The following SSH2 variants were observed in gnomAD, a reference collection of about 807,000 sequenced individuals.
SSH2 encodes protein phosphatase Slingshot homolog 2.
SSH2 carries 37 observed loss-of-function variants against 135.2 expected under a neutral mutation model. The observed-to-expected ratio is 0.27, with a 90% confidence interval of 0.21 to 0.36. The LOEUF (loss-of-function observed/expected upper bound fraction) is 0.36. Ranked by LOEUF, SSH2 falls within the 10% of genes least tolerant of loss-of-function variation. The pLI is 1.00. For synonymous variants in SSH2, 628 were observed against 646.2 expected (o/e 0.97, Z 0.43); for missense variants, 1,408 against 1,765.3 (o/e 0.80, Z 3.63).
intron 1 of SSH2, among the ~76,000 whole-genome samples, chr17:29,865,855 C>T (rs1014563423): frequency 1.3e-5 from 2 of 152,154 alleles, no homozygotes; most frequent in Non-Finnish European, 2.9e-5. Context: ...TATCTCAGCA[C>T]TTTGGGAGGC....
intron 14 of SSH2, among the ~76,000 whole-genome samples, chr17:29,639,221 T>C (rs2036045001): frequency 6.6e-6 from 1 of 152,056 alleles, no homozygotes; most frequent in African/African-American, 2.4e-5. Flanking sequence ...AGGGAGGAGA[T>C]TTCATTTCAA....
intron 3 of SSH2, chr17:29,787,521 G>C (rs1214974532): frequency 1.9e-4 from 29 of 152,026 alleles, no homozygotes; most frequent in Admixed American, 1.9e-3. Context: ...TGGATCATAT[G>C]ATCATATTCT....
chr17:29,683,813 T>C (rs1426316110), intron 6 of SSH2, among the ~76,000 whole-genome samples: 1 of 149,370 alleles, frequency 6.7e-6, no homozygotes, highest in Non-Finnish European at 1.5e-5. Flanking sequence ...GGTATGGTGG[T>C]GCATGCCTGT....
intron 8 of SSH2, among the ~76,000 whole-genome samples, chr17:29,674,726 G>A (rs757521921): frequency 7.2e-5 from 11 of 152,090 alleles, no homozygotes; most frequent in African/African-American, 1.9e-4. Context: ...GGGCCACATC[G>A]GAAGAACTGT....
intron 3 of SSH2, among the ~76,000 whole-genome samples, chr17:29,741,934 C>CTTTTTT (rs71138848): frequency 1.0e-5 from 1 of 97,908 alleles, no homozygotes; most frequent in Non-Finnish European, 2.0e-5. Context: ...ATTTTTTTTT[C>CTTTTTT]TTTTTTTTTT....
At chr17:29,728,996 T>C (rs1738535671) in intron 3 of SSH2, among the ~76,000 whole-genome samples, 1 of 152,168 alleles carries the variant, frequency 6.6e-6, no homozygotes, top group African/African-American at 2.4e-5. Flanking sequence ...AAATATTTCT[T>C]GAGTAATACC....
chr17:29,715,632 T>C (rs897908573), intron 3 of SSH2, among the ~76,000 whole-genome samples: 2 of 152,206 alleles, frequency 1.3e-5, no homozygotes, highest in African/African-American at 2.4e-5. Flanking sequence ...TAAAATGGTA[T>C]GGTTATTTGA....
chr17:29,925,281 T>C (rs1567657855), intron 1 of SSH2: 1 of 372,842 alleles, frequency 2.7e-6, no homozygotes, highest in Non-Finnish European at 4.7e-6. Flanking sequence ...TTCAGAAAAT[T>C]CACACCAGAT....
intron 1 of SSH2, among the ~76,000 whole-genome samples, chr17:29,920,945 A>G (rs1441870366): frequency 6.6e-6 from 1 of 152,182 alleles, no homozygotes; most frequent in Non-Finnish European, 1.5e-5. Context: ...TATTCTTAGT[A>G]TATAAAGAAT....
chr17:29,703,831 G>A (rs907199279), intron 3 of SSH2, among the ~76,000 whole-genome samples: 2 of 152,060 alleles, frequency 1.3e-5, no homozygotes, highest in African/African-American at 2.4e-5. Context: ...CACCAGCCTC[G>A]GCCTCCCAAA....
At chr17:29,856,670 T>C (rs976788954) in intron 1 of SSH2, among the ~76,000 whole-genome samples, 2 of 152,326 alleles carry the variant, frequency 1.3e-5, no homozygotes, top group South Asian at 4.1e-4. Flanking sequence ...TCAAAGAGTA[T>C]TTTTAAGTCT....
intron 1 of SSH2, among the ~76,000 whole-genome samples, chr17:29,890,798 C>T (rs1256530181): frequency 1.3e-5 from 2 of 152,142 alleles, no homozygotes; most frequent in South Asian, 4.1e-4. Flanking sequence ...GCTCTGTCAC[C>T]AGGCTGGAGC....
chr17:29,854,829 C>T (rs893373603), intron 1 of SSH2, among the ~76,000 whole-genome samples: 1 of 152,130 alleles, frequency 6.6e-6, no homozygotes, highest in Non-Finnish European at 1.5e-5. Context: ...TGCCTGTAAT[C>T]CCAGCTACTC....
chr17:29,761,333 G>A (rs569894145), intron 3 of SSH2: 2 of 1,127,192 alleles, frequency 1.8e-6, no homozygotes, highest in African/African-American at 1.7e-5. Flanking sequence ...GCTCCGGCAC[G>A]AGGCGCAGGC....
At position 29,856,171 on chromosome 17, in the gene SSH2, C is replaced by G; in HGVS notation, c.64-7242G>C. 6.6e-6 allele frequency: 2 copies of G among 302,876 alleles called. 1 individual carries two copies. The allele number at this position is 302,876 out of a possible 1,614,324, so 18.8% of individuals were successfully genotyped here. On this transcript the variant is annotated intron_variant, in intron 1 of 15. Coordinates refer to ENST00000540801, the MANE Select transcript of SSH2 (RefSeq NM_001282129.2). ...GTTGCTTATTAAGTTATCTTAAGTCCAGAAAAATGTATTAATCCTTGAAGG... is the reference window on the plus strand; with the variant it reads ...GTTGCTTATTAAGTTATCTTAAGTCGAGAAAAATGTATTAATCCTTGAAGG...
intron 14 of SSH2, among the ~76,000 whole-genome samples, chr17:29,640,171 C>T (rs1038331806): frequency 2.0e-5 from 3 of 152,050 alleles, no homozygotes; most frequent in Non-Finnish European, 2.9e-5. Flanking sequence ...CTCCACTTCC[C>T]GGGTTCACGC....
chr17:29,775,902 G>A (rs2041688921), intron 3 of SSH2: 1 of 152,184 alleles, frequency 6.6e-6, no homozygotes, highest in South Asian at 2.1e-4. Context: ...TTTGGATCAT[G>A]AGCAGCTTCT....
chr17:29,900,465 G>A (rs1422106399), intron 1 of SSH2, among the ~76,000 whole-genome samples: 6 of 152,122 alleles, frequency 3.9e-5, no homozygotes, highest in African/African-American at 9.7e-5. Context: ...ACAAGTGGGC[G>A]AAGGATATGA....
Position 29,636,039 on chromosome 17 carries a change from G to T in SSH2, c.2191C>A (p.Gln731Lys), listed in dbSNP as rs149046530. ...VAPSKVTADD[Q>K]RSSSLSNTPH... Reference sequence around the variant, plus strand: ...GTATTACTCAAAGAGCTGCTTCTCTGGTCATCAGCTGTCACTTTGGAAGGG... The same window carrying T: ...GTATTACTCAAAGAGCTGCTTCTCTTGTCATCAGCTGTCACTTTGGAAGGG... Residue 731 changes from glutamine to lysine, a missense_variant, in exon 15 of 16, where the codon CAG becomes AAG. Gln to Lys is a moderately conservative substitution (Grantham distance 53). This residue lies in a region of SSH2 where 1,080 missense variants were observed against 1,144.5 expected (regional missense o/e 0.94). Transcript: ENST00000540801. 54 of 1,614,044 alleles carry T rather than the reference G, an allele frequency of 3.3e-5. No individual in the cohort carries two copies. The highest frequency in any genetic ancestry group is 3.2e-4 in the Admixed American group (19 of 59,996).
Sources: allele counts gnomAD v4.1 joint callset (sites outside exome capture counted in the v4.1 genomes callset), GRCh38; gene constraint gnomAD v4.1.1; regional missense constraint gnomAD v4.1.1; transcripts MANE v1.5; gene names NCBI Gene and HGNC (gene_info 2026-07-23, HGNC 2026-07-21).